The following DESI2 variants were observed in gnomAD, a reference collection of about 807,000 sequenced individuals.
DESI2 encodes the protein deubiquitinase DESI2.
In DESI2, 10 loss-of-function variants were observed where a neutral mutation model predicts 24.1. The ratio of observed to expected loss-of-function variants is 0.41; its 90% CI spans 0.26 to 0.70. The LOEUF is 0.70. DESI2 is among the 30% of genes least tolerant of loss of function. DESI2 has a pLI of 0.29. For missense variants in DESI2, 122 were observed against 234.9 expected (o/e 0.52, Z 3.14); for synonymous variants, 71 against 87.7 (o/e 0.81, Z 1.06).
At chr1:244,687,347 G>C (rs150378170) in intron 2 of DESI2, among the ~76,000 whole-genome samples, 22 of 152,232 alleles carry the variant, frequency 1.4e-4, no homozygotes, top group African/African-American at 5.3e-4. Flanking sequence ...TCCTACTCTT[G>C]ATGCAAGATA....
rs553464609 is a variant in DESI2, at chr1:244,696,346, G to C, written c.351+4326G>C. On this transcript the variant is annotated intron_variant, in intron 4 of 4. Transcript: ENST00000302550. ...CCCATAGAAAAGGCAAGATAGCTGG[G>C]CACAGTGGCTCACGCCTGTAATCCC... 6.2e-4 allele frequency among the ~76,000 whole-genome samples: 94 copies of C among 152,334 alleles called. 1 individual carries two copies. Among genetic ancestry groups the C allele is most frequent in the African/African-American group, 2.2e-3 (91 of 41,576 alleles).
At chr1:244,653,384 C>T (rs1675528731) in intron 1 of DESI2, 29 bp downstream of exon 1, 1 of 1,541,100 alleles carries the variant, frequency 6.5e-7, no homozygotes. Flanking sequence ...GGCCCCGAGC[C>T]CTGGCCCAGG....
chr1:244,692,070 C>T (rs763462228), intron 4 of DESI2, 50 bp downstream of exon 4: 1 of 1,469,614 alleles, frequency 6.8e-7, no homozygotes, highest in South Asian at 1.3e-5. Context: ...TTTGCTATCC[C>T]ACTATACTTG....
chr1:244,673,799 CAG>C (rs1189133117), intron 1 of DESI2, among the ~76,000 whole-genome samples: 2 of 152,164 alleles, frequency 1.3e-5, no homozygotes, highest in East Asian at 1.9e-4. Context: ...ATTTTGCTAA[CAG>C]AGGAAAAACT....
intron 4 of DESI2, among the ~76,000 whole-genome samples, chr1:244,693,858 A>G (rs1352599284): frequency 6.6e-6 from 1 of 152,250 alleles, no homozygotes; most frequent in Non-Finnish European, 1.5e-5. Context: ...TTATAATAAA[A>G]TATGGTATAT....
At chr1:244,667,996 CA>C (rs1558653294) in intron 1 of DESI2, among the ~76,000 whole-genome samples, 1 of 152,224 alleles carries the variant, frequency 6.6e-6, no homozygotes, top group African/African-American at 2.4e-5. Context: ...AAAAAGCTGA[CA>C]GTACATTTTA....
chr1:244,675,619 TTC>T (rs1676389869), intron 1 of DESI2, among the ~76,000 whole-genome samples: 1 of 152,216 alleles, frequency 6.6e-6, no homozygotes, highest in South Asian at 2.1e-4. Flanking sequence ...GAACTCTGAA[TTC>T]TGTTTCATTG....
At chr1:244,663,321 C>T (rs370289724) in intron 1 of DESI2, among the ~76,000 whole-genome samples, 22 of 151,972 alleles carry the variant, frequency 1.4e-4, no homozygotes, top group African/African-American at 4.6e-4. Flanking sequence ...GGACTACAGG[C>T]GCCTGCCACC....
intron 1 of DESI2, among the ~76,000 whole-genome samples, chr1:244,686,100 C>T (rs1483834245): frequency 6.6e-6 from 1 of 152,070 alleles, no homozygotes; most frequent in Non-Finnish European, 1.5e-5. Flanking sequence ...TATATTATTA[C>T]CATTATCAAA....
At chr1:244,662,045 T>C (rs938822844) in intron 1 of DESI2, among the ~76,000 whole-genome samples, 24 of 152,336 alleles carry the variant, frequency 1.6e-4, no homozygotes, top group African/African-American at 5.5e-4. Context: ...AGTGTTCCTA[T>C]TTCTCCACAT....
intron 4 of DESI2, among the ~76,000 whole-genome samples, chr1:244,703,145 G>T (rs765578467): frequency 5.9e-5 from 9 of 151,860 alleles, no homozygotes; most frequent in Non-Finnish European, 1.2e-4. Flanking sequence ...GTGATTACAG[G>T]TGTGTGCCAC....
intron 1 of DESI2, among the ~76,000 whole-genome samples, chr1:244,675,053 T>C (rs1014479587): frequency 3.3e-5 from 5 of 152,190 alleles, no homozygotes; most frequent in Non-Finnish European, 7.3e-5. Context: ...GTCATCTGAG[T>C]AGGTGTGACA....
chr1:244,693,432 G>A (rs1047826815), intron 4 of DESI2, among the ~76,000 whole-genome samples: 9 of 141,700 alleles, frequency 6.4e-5, no homozygotes, highest in East Asian at 4.3e-4. Context: ...TGAATTGTTT[G>A]TTCTTTTTTT....
intron 4 of DESI2, among the ~76,000 whole-genome samples, chr1:244,703,856 C>T (rs776389252): frequency 1.3e-5 from 2 of 152,070 alleles, no homozygotes; most frequent in Non-Finnish European, 2.9e-5. Context: ...GATGGGGTTT[C>T]ACTGTGTTAG....
At chr1:244,672,512 T>C (rs978088406) in intron 1 of DESI2, among the ~76,000 whole-genome samples, 3 of 152,168 alleles carry the variant, frequency 2.0e-5, no homozygotes, top group Non-Finnish European at 4.4e-5. Context: ...GGTATTACTT[T>C]ATAGCAACAC....
intron 4 of DESI2, 118 bp downstream of exon 4, chr1:244,692,138 A>G (rs1032728139): frequency 1.2e-5 from 11 of 903,554 alleles, no homozygotes; most frequent in Non-Finnish European, 1.8e-5. Context: ...TGTTGTATGA[A>G]ATATGGTATT....
intron 1 of DESI2, among the ~76,000 whole-genome samples, chr1:244,679,779 A>G (rs1676539518): frequency 6.6e-6 from 1 of 151,576 alleles, no homozygotes; most frequent in Non-Finnish European, 1.5e-5. Context: ...AGGCACAAGA[A>G]TCGCTCGAAC....
intron 4 of DESI2, among the ~76,000 whole-genome samples, chr1:244,702,076 T>C (rs1677486078): frequency 6.6e-6 from 1 of 152,244 alleles, no homozygotes; most frequent in South Asian, 2.1e-4. Context: ...GAAATACATT[T>C]TGCATTGTGA....
intron 1 of DESI2, chr1:244,653,687 T>C (rs952016559): frequency 4.7e-6 from 2 of 429,114 alleles, no homozygotes; most frequent in Non-Finnish European, 8.5e-6. Context: ...CCGTTGCGTT[T>C]CCAACCCCAC....
Sources: gnomAD v4.1 joint callset for allele counts (sites outside exome capture counted in the v4.1 genomes callset) on GRCh38, gnomAD v4.1.1 for gene constraint, MANE v1.5 for transcripts, NCBI Gene and HGNC (gene_info 2026-07-23, HGNC 2026-07-21) for gene names.